NSMCE1: variants seen among roughly 807,000 people sequenced by gnomAD.
The protein encoded by NSMCE1 is non-structural maintenance of chromosomes element 1 homolog.
Under a neutral mutation model 29.6 loss-of-function variants are expected in NSMCE1, and 18 were observed. That is an observed-to-expected ratio of 0.61 (90% CI 0.42 to 0.90). The LOEUF (loss-of-function observed/expected upper bound fraction) is 0.90, where lower values mean the gene tolerates loss of function less well. Ranked by LOEUF, NSMCE1 falls within the 40% of genes least tolerant of loss-of-function variation. The probability of loss-of-function intolerance (pLI) is 0.00; values close to 1 mark genes in which losing one functional copy is unlikely to be tolerated. For synonymous variants in NSMCE1, 124 were observed against 133.4 expected (o/e 0.93, Z 0.49); for missense variants, 314 against 343.6 (o/e 0.91, Z 0.68).
intron 2 of NSMCE1, among the ~76,000 whole-genome samples, chr16:27,247,269 A>G (rs946580342): frequency 1.3e-5 from 2 of 152,132 alleles, no homozygotes; most frequent in African/African-American, 2.4e-5. Flanking sequence ...GTGAGTTCTC[A>G]AGAGATCTGA....
intron 2 of NSMCE1, among the ~76,000 whole-genome samples, chr16:27,249,105 C>T (rs1190021225): frequency 1.3e-4 from 20 of 152,246 alleles, no homozygotes; most frequent in Non-Finnish European, 1.5e-4. Context: ...GCTGGGATTA[C>T]AGGTGTGAGC....
intron 2 of NSMCE1, among the ~76,000 whole-genome samples, chr16:27,256,161 T>C (rs1429569168): frequency 6.6e-6 from 1 of 152,202 alleles, no homozygotes; most frequent in African/African-American, 2.4e-5. Flanking sequence ...CTCACTTCTA[T>C]GTCATTTTTT....
At chr16:27,253,630 T>C (rs2084056595) in intron 2 of NSMCE1, among the ~76,000 whole-genome samples, 1 of 152,156 alleles carries the variant, frequency 6.6e-6, no homozygotes. Context: ...CCGACTTCTA[T>C]CAAGGAGGCC....
chr16:27,251,191 A>ATATATATATATATATATAAAAAT (rs1555477411), intron 2 of NSMCE1, among the ~76,000 whole-genome samples: 1 of 32,356 alleles, frequency 3.1e-5, no homozygotes, highest in African/African-American at 1.6e-4. Context: ...TATATATATA[A>ATATATATATATATATATAAAAAT]ATATATATAT....
At chr16:27,266,143 C>T (rs1229765414) in intron 1 of NSMCE1, among the ~76,000 whole-genome samples, 1 of 151,974 alleles carries the variant, frequency 6.6e-6, no homozygotes, top group South Asian at 2.1e-4. Context: ...GAGGTCAAGG[C>T]GGGAGGACTG....
At position 27,231,332 on chromosome 16, in the gene NSMCE1, T is replaced by A. The variant is rs377765458; in HGVS notation, c.483+1669A>T. On this transcript the variant is annotated intron_variant, in intron 5 of 7. Coordinates refer to ENST00000361439, the MANE Select transcript of NSMCE1 (RefSeq NM_145080.4). Reference sequence around the variant, plus strand: ...CCAGCCATGAAGAGGTCATAACCCCTACCCTTAAAAAACTTGGCCTGTGGC... The same window carrying A: ...CCAGCCATGAAGAGGTCATAACCCCAACCCTTAAAAAACTTGGCCTGTGGC... Among the ~76,000 whole-genome samples, 140 of 152,274 alleles carry A rather than the reference T, an allele frequency of 9.2e-4. 1 individual carries two copies. The highest frequency in any genetic ancestry group is 3.1e-3 in the African/African-American group (128 of 41,566).
chr16:27,253,064 G>A (rs774797634), intron 2 of NSMCE1, among the ~76,000 whole-genome samples: 18 of 152,184 alleles, frequency 1.2e-4, no homozygotes, highest in Non-Finnish European at 1.9e-4. Context: ...TCCCACAGCT[G>A]GCCCTGTGAT....
rs1956331175 is a variant in NSMCE1, at chr16:27,264,245, C to CACCT, written c.-12+4457_-12+4460dup. Among the ~76,000 whole-genome samples the CACCT allele has an allele frequency of 2.0e-5, 3 of 152,204 alleles. No homozygotes were observed. In the South Asian group the frequency reaches 6.2e-4, roughly 32 times the overall value. The stretch of plus-strand genomic sequence containing the variant: ...AAAAATCGCTGGGCATGATGGTATG[C>CACCT]ACCTGTAGTCCCAGGTACTCATGAT... On this transcript the variant is annotated intron_variant, in intron 1 of 7. Coordinates refer to ENST00000361439, the MANE Select transcript of NSMCE1 (RefSeq NM_145080.4).
intron 4 of NSMCE1, 60 bp downstream of exon 4, chr16:27,234,128 G>T: frequency 9.0e-7 from 1 of 1,106,866 alleles, no homozygotes; most frequent in Non-Finnish European, 1.4e-6. Flanking sequence ...TGCTAATGAC[G>T]GAGACAGAAC....
At chr16:27,247,899 C>G (rs910442964) in intron 2 of NSMCE1, among the ~76,000 whole-genome samples, 1 of 151,472 alleles carries the variant, frequency 6.6e-6, no homozygotes, top group African/African-American at 2.4e-5. Context: ...TGCAATCCAG[C>G]CTGGGCGACA....
chr16:27,233,130 G>A lies in NSMCE1; in HGVS notation c.354C>T (p.Asp118=), dbSNP rs757919015. ...LFRKALELII[D]SETGFASSTN... ...TGGAAGACGCAAAGCCGGTTTCTGA[G>A]TCAATAATCAGTTCCAGCTGGAAGA... The change falls in exon 5 of 8, where the codon GAC becomes GAT. Residue 118 remains aspartate (D), a synonymous_variant. Transcript: ENST00000361439. 6.2e-7 allele frequency: 1 copy of A among 1,613,556 alleles called. No homozygotes were observed. The highest frequency in any genetic ancestry group is 1.1e-5 in the South Asian group (1 of 90,832).
chr16:27,268,463 CGT>C lies in NSMCE1; in HGVS notation c.-12+241_-12+242del, dbSNP rs370999929. ...AAATAGTAAGATTTTTAGATGTCTG[CGT>C]GTGTGTTGCGGGAGGACATCCCAGT... On this transcript the variant is annotated intron_variant, in intron 1 of 7. Coordinates refer to ENST00000361439, the MANE Select transcript of NSMCE1 (RefSeq NM_145080.4). 9.3e-4 allele frequency: 141 copies of C among 152,312 alleles called. 1 individual carries two copies. Among genetic ancestry groups the C allele is most frequent in the African/African-American group, 3.1e-3 (129 of 41,562 alleles). The allele number at this position is 152,312 out of a possible 1,614,324, so 9.4% of individuals were successfully genotyped here.
chr16:27,237,472 T>G (rs1456182062), intron 2 of NSMCE1, among the ~76,000 whole-genome samples: 2 of 152,242 alleles, frequency 1.3e-5, no homozygotes, highest in Non-Finnish European at 2.9e-5. Flanking sequence ...GTTCCGTACC[T>G]GCCTGTGCCA....
At chr16:27,266,839 T>G (rs1434811487) in intron 1 of NSMCE1, among the ~76,000 whole-genome samples, 2 of 151,872 alleles carry the variant, frequency 1.3e-5, no homozygotes, top group African/African-American at 4.8e-5. Flanking sequence ...GAACAAAAAC[T>G]CCCTAAATTC....
intron 2 of NSMCE1, among the ~76,000 whole-genome samples, chr16:27,253,030 C>A (rs139797620): frequency 6.6e-6 from 1 of 152,272 alleles, no homozygotes; most frequent in African/African-American, 2.4e-5. Flanking sequence ...AGAGAGGGCA[C>A]GGAAACTCCA....
rs767171484 is a variant in NSMCE1 at position 27,235,241 on chromosome 16, C to T, written c.195G>A (p.Glu65=). ...CTCTCTTTATCTCAATATACAAGGA[C>T]TCCAAGACACTGTTAATGTTGTTGA... ...DFINNINSVL[E]SLYIEIKRGV... is the part of the protein sequence containing the mutation. The change falls in exon 3 of 8, where the codon GAG becomes GAA. Residue 65 remains glutamate, a synonymous_variant. Coordinates refer to ENST00000361439, the MANE Select transcript of NSMCE1 (RefSeq NM_145080.4). 8.7e-6 allele frequency: 14 copies of T among 1,613,600 alleles called. No individual in the cohort carries two copies. The highest frequency in any genetic ancestry group is 2.2e-5 in the South Asian group (2 of 91,060).
intron 2 of NSMCE1, among the ~76,000 whole-genome samples, chr16:27,236,340 T>A (rs12934078): frequency 0.63 from 91,226 of 145,808 alleles, 29,888 homozygotes; most frequent in East Asian, 0.89. Context: ...GCTCTCGCCC[T>A]GGCTGGAGTG....
At chr16:27,266,053 G>A (rs2084221050) in intron 1 of NSMCE1, among the ~76,000 whole-genome samples, 1 of 152,040 alleles carries the variant, frequency 6.6e-6, no homozygotes, top group Non-Finnish European at 1.5e-5. Flanking sequence ...CCACACAATT[G>A]TATAGGTATG....
chr16:27,235,773 T>C (rs1360686093), intron 2 of NSMCE1, among the ~76,000 whole-genome samples: 1 of 152,212 alleles, frequency 6.6e-6, no homozygotes, highest in Non-Finnish European at 1.5e-5. Context: ...TATTCCTTTC[T>C]CTTTTTATTC....
Sources: allele counts gnomAD v4.1 joint callset (sites outside exome capture counted in the v4.1 genomes callset), GRCh38; gene constraint gnomAD v4.1.1; transcripts MANE v1.5; gene names NCBI Gene and HGNC (gene_info 2026-07-23, HGNC 2026-07-21).